The following SOX6 variants were observed in gnomAD, a reference collection of about 807,000 sequenced individuals.
SOX6 encodes transcription factor SOX-6.
SOX6 carries 11 observed loss-of-function variants against 97.8 expected under a neutral mutation model. The observed-to-expected ratio is 0.11, with a 90% CI of 0.07 to 0.19. The LOEUF (loss-of-function observed/expected upper bound fraction) is 0.19, where lower values mean the gene tolerates loss of function less well. SOX6 is among the 10% of genes least tolerant of loss of function. SOX6 has a pLI of 1.00. For synonymous variants in SOX6, 360 were observed against 371.4 expected, an observed-to-expected ratio of 0.97 and a Z score of 0.35; for missense variants, 810 against 1,039.5, an observed-to-expected ratio of 0.78 and a Z score of 3.04.
intron 6 of SOX6, among the ~76,000 whole-genome samples, chr11:16,152,441 C>A (rs2134057849): frequency 6.6e-6 from 1 of 152,194 alleles, no homozygotes; most frequent in African/African-American, 2.4e-5. Context: ...CAAAACAGAC[C>A]AATGGAATTT....
chr11:16,385,715 G>A (rs1857963155), intron 1 of SOX6, among the ~76,000 whole-genome samples: 1 of 151,970 alleles, frequency 6.6e-6, no homozygotes, highest in African/African-American at 2.4e-5. Context: ...AGGAAAGAAG[G>A]GCATAATAAA....
At chr11:15,988,935 C>G (rs1590111871) in intron 14 of SOX6, 62 bp downstream of exon 14, 1 of 1,498,916 alleles carries the variant, frequency 6.7e-7, no homozygotes, top group East Asian at 2.3e-5. Flanking sequence ...GCTTCCCACC[C>G]TGGTGGCACT....
At chr11:16,484,265 G>A in intron 4 of SOX6, 1 of 1,102,444 alleles carries the variant, frequency 9.1e-7, no homozygotes, top group Non-Finnish European at 1.4e-6. Context: ...CAGAATGTTG[G>A]TGTCACTGGG....
chr11:16,692,056 C>CATGTGT (rs1554900984), intron 3 of SOX6, among the ~76,000 whole-genome samples: 1 of 144,290 alleles, frequency 6.9e-6, no homozygotes, highest in Non-Finnish European at 1.5e-5. Context: ...TTTGCGTGTG[C>CATGTGT]GTGTGTGTGT....
intron 1 of SOX6, among the ~76,000 whole-genome samples, chr11:16,428,257 T>G (rs1310536777): frequency 6.6e-6 from 1 of 152,136 alleles, no homozygotes; most frequent in Non-Finnish European, 1.5e-5. Flanking sequence ...TTGCAAAAAT[T>G]TTCTCCCATT....
At chr11:16,018,849 A>G (rs1854962646) in intron 12 of SOX6, among the ~76,000 whole-genome samples, 1 of 152,074 alleles carries the variant, frequency 6.6e-6, no homozygotes, top group Admixed American at 6.6e-5. Context: ...CATCAAACAG[A>G]GGCAGTAAAG....
upstream of SOX6, among the ~76,000 whole-genome samples, chr11:16,359,204 A>G (rs907124372): frequency 3.4e-5 from 5 of 148,372 alleles, no homozygotes; most frequent in Non-Finnish European, 6.0e-5. Context: ...TGGTGGAACT[A>G]AAAAAAAAAA....
intron 1 of SOX6, chr11:16,397,311 T>A (rs1392294001): frequency 6.6e-6 from 1 of 151,900 alleles, no homozygotes; most frequent in Non-Finnish European, 1.5e-5. Flanking sequence ...TGTATAGGGA[T>A]CTCATTAACA....
At chr11:16,259,368 T>C (rs1438064389) in intron 3 of SOX6, among the ~76,000 whole-genome samples, 1 of 152,066 alleles carries the variant, frequency 6.6e-6, no homozygotes, top group Non-Finnish European at 1.5e-5. Context: ...CCTAAATTGA[T>C]ATATAAACAC....
intron 3 of SOX6, among the ~76,000 whole-genome samples, chr11:16,679,399 C>T (rs548011828): frequency 2.0e-4 from 30 of 152,262 alleles, no homozygotes; most frequent in South Asian, 4.1e-4. Context: ...GGAAAACTAA[C>T]GAACAGAAAG....
intron 6 of SOX6, among the ~76,000 whole-genome samples, chr11:16,125,820 A>T (rs955540227): frequency 1.4e-5 from 1 of 71,414 alleles, no homozygotes; most frequent in African/African-American, 5.8e-5. Flanking sequence ...AAATCATAGG[A>T]AGGAAGGAAG....
At chr11:16,092,504 T>C (rs1590191154) in intron 9 of SOX6, among the ~76,000 whole-genome samples, 1 of 151,932 alleles carries the variant, frequency 6.6e-6, no homozygotes. Flanking sequence ...TTAAGGCTCA[T>C]ATATTTCACA....
chr11:16,406,708 C>A (rs1351216140), intron 1 of SOX6, among the ~76,000 whole-genome samples: 4 of 151,950 alleles, frequency 2.6e-5, no homozygotes, highest in African/African-American at 9.7e-5. Flanking sequence ...AGTTTTATGG[C>A]AAAGGTCATA....
intron 4 of SOX6, among the ~76,000 whole-genome samples, chr11:16,210,008 T>C (rs1369405932): frequency 6.6e-6 from 1 of 152,096 alleles, no homozygotes; most frequent in Admixed American, 6.6e-5. Flanking sequence ...AGACAGTATG[T>C]GGAGAAAGTG....
rs297322 is a variant in SOX6, at chr11:16,300,282, G to A, written c.445+18164C>T. ...TTAAAAAAAAGGACTTATACAAATG[G>A]AGAAAGTCCACAATATTAGACATTT... On this transcript the variant is annotated intron_variant, in intron 3 of 15. Coordinates refer to ENST00000683767, the MANE Select transcript of SOX6 (RefSeq NM_001367873.1). The surrounding 1 kb of genome is among the most constrained non-coding windows in gnomAD (Gnocchi z 4.1). 0.049 allele frequency among the ~76,000 whole-genome samples: 7,475 copies of A among 152,102 alleles called. 602 individuals carry two copies. The highest frequency in any genetic ancestry group is 0.17 in the African/African-American group (7,040 of 41,438).
At chr11:16,569,403 T>G (rs543721659) in intron 4 of SOX6, among the ~76,000 whole-genome samples, 1 of 152,332 alleles carries the variant, frequency 6.6e-6, no homozygotes, top group Middle Eastern at 3.4e-3. Context: ...AATGTCCATC[T>G]AATTATGTGT....
intron 1 of SOX6, among the ~76,000 whole-genome samples, chr11:16,454,761 T>C (rs73433570): frequency 6.6e-6 from 1 of 152,212 alleles, no homozygotes; most frequent in African/African-American, 2.4e-5. Context: ...GAAGATCTAT[T>C]CCATTATAGC....
chr11:16,018,054 A>G (rs1854940103), intron 12 of SOX6, among the ~76,000 whole-genome samples: 1 of 152,122 alleles, frequency 6.6e-6, no homozygotes, highest in African/African-American at 2.4e-5. Context: ...GCTGTGTTGT[A>G]GGACTGTTGG....
intron 4 of SOX6, among the ~76,000 whole-genome samples, chr11:16,522,979 AG>A (rs1385849456): frequency 6.6e-6 from 1 of 152,242 alleles, no homozygotes; most frequent in Non-Finnish European, 1.5e-5. Flanking sequence ...AGATTCATAA[AG>A]CAAGTCCTTA....
Sources: allele counts gnomAD v4.1 joint callset (sites outside exome capture counted in the v4.1 genomes callset), GRCh38; gene constraint gnomAD v4.1.1; non-coding constraint Gnocchi (gnomAD v3.1); transcripts MANE v1.5; gene names NCBI Gene and HGNC (gene_info 2026-07-23, HGNC 2026-07-21).